CSMD2: variants seen among roughly 807,000 people sequenced by gnomAD.
The protein encoded by CSMD2 is CUB and Sushi multiple domains 2.
In CSMD2, 130 loss-of-function variants were observed where a neutral mutation model predicts 398.5. The observed-to-expected ratio is 0.33, with a 90% CI of 0.28 to 0.38. The LOEUF (loss-of-function observed/expected upper bound fraction) is 0.38, where lower values mean the gene tolerates loss of function less well. CSMD2 is among the 10% of genes least tolerant of loss of function. The pLI, the probability that CSMD2 is intolerant of heterozygous loss-of-function variation, is 1.00. For missense variants in CSMD2, 3,829 were observed against 4,764.9 expected (o/e 0.80, Z 5.78); for synonymous variants, 1,828 against 1,908.5 (o/e 0.96, Z 1.10).
At chr1:33,632,715 T>A (rs1488400582) in intron 32 of CSMD2, among the ~76,000 whole-genome samples, 1 of 152,194 alleles carries the variant, frequency 6.6e-6, no homozygotes, top group Non-Finnish European at 1.5e-5. Context: ...AGATCTCACA[T>A]ATCCTTTAAC....
chr1:34,042,568 C>T (rs1309179940), intron 2 of CSMD2, among the ~76,000 whole-genome samples: 2 of 152,128 alleles, frequency 1.3e-5, no homozygotes, highest in African/African-American at 2.4e-5. Flanking sequence ...GAGGCAGAGC[C>T]CTGAGTCGTC....
upstream of CSMD2, chr1:34,165,733 G>T (rs1300796654): frequency 1.2e-6 from 2 of 1,613,482 alleles, no homozygotes; most frequent in Non-Finnish European, 8.5e-7. Flanking sequence ...CGTTCCCCAA[G>T]TCTTGGCTCT....
chr1:33,709,149 T>C lies in CSMD2; in HGVS notation c.3516A>G (p.Pro1172=). 3 of 1,614,156 alleles carry C rather than the reference T, an allele frequency of 1.9e-6. No homozygotes were observed. Among genetic ancestry groups the C allele is most frequent in the Non-Finnish European group, 1.7e-6 (2 of 1,179,990 alleles). Residue 1172 remains proline, a synonymous_variant, in exon 22 of 71, where the codon CCA becomes CCG. Coordinates refer to ENST00000373381, the MANE Select transcript of CSMD2 (RefSeq NM_001281956.2). ...TGGCTTTCAGCTGAATTCCCTTCCCTGGCTGGGTCTGGATGGAGTAGATGC... is the reference window on the plus strand; with the variant it reads ...TGGCTTTCAGCTGAATTCCCTTCCCCGGCTGGGTCTGGATGGAGTAGATGC... ...HECIYSIQTQ[P]GKGIQLKARA...
chr1:33,557,617 G>GAC (rs10579079), intron 55 of CSMD2, 117 bp downstream of exon 55: 19,270 of 657,828 alleles, frequency 0.029, 97 homozygotes, highest in East Asian at 0.055. Context: ...TACATGTGCA[G>GAC]ACACACACAC....
At chr1:34,101,398 A>T (rs1282857268) in intron 1 of CSMD2, among the ~76,000 whole-genome samples, 2 of 152,254 alleles carry the variant, frequency 1.3e-5, no homozygotes, top group Non-Finnish European at 2.9e-5. Context: ...ACTTCCAAAT[A>T]GCAGATGACT....
chr1:33,711,758 AT>A (rs1358799505), intron 21 of CSMD2, among the ~76,000 whole-genome samples: 1 of 152,124 alleles, frequency 6.6e-6, no homozygotes, highest in African/African-American at 2.4e-5. Flanking sequence ...TGCTTCCTGC[AT>A]AAGAGCTATG....
chr1:33,592,478 C>A, intron 44 of CSMD2: 1 of 717,070 alleles, frequency 1.4e-6, no homozygotes. Flanking sequence ...GTACAAACAG[C>A]TGCCAAGTGC....
chr1:34,002,375 G>A (rs1646930232), intron 3 of CSMD2, among the ~76,000 whole-genome samples: 1 of 152,214 alleles, frequency 6.6e-6, no homozygotes, highest in East Asian at 1.9e-4. Context: ...AGGAGGCCTT[G>A]TCTTGTGACA....
chr1:33,604,525 G>C (rs1321141897), intron 42 of CSMD2, among the ~76,000 whole-genome samples: 1 of 152,164 alleles, frequency 6.6e-6, no homozygotes, highest in African/African-American at 2.4e-5. Context: ...AAAGGGGTTT[G>C]AGTTGGAGCC....
chr1:33,577,025 C>T (rs1047270050), intron 49 of CSMD2, among the ~76,000 whole-genome samples: 1 of 152,162 alleles, frequency 6.6e-6, no homozygotes, highest in Non-Finnish European at 1.5e-5. Flanking sequence ...GATCCTTTCT[C>T]ACCTCTGGGC....
At chr1:33,667,119 T>A (rs1314505001) in intron 25 of CSMD2, among the ~76,000 whole-genome samples, 1 of 152,142 alleles carries the variant, frequency 6.6e-6, no homozygotes, top group Non-Finnish European at 1.5e-5. Context: ...GTCTCAAAAT[T>A]AGCTATGGGA....
intron 2 of CSMD2, among the ~76,000 whole-genome samples, chr1:34,082,344 CTCCGCCCAGCAGCCGCCCCGT>C (rs1222607128): frequency 7.9e-5 from 12 of 152,158 alleles, no homozygotes; most frequent in African/African-American, 2.4e-4. Flanking sequence ...TGAGGAGCCC[CTCCGCCCAGCAGCCGCCCCGT>C]CTGGGAGGTG....
At chr1:33,936,416 C>T (rs1416491584) in intron 3 of CSMD2, among the ~76,000 whole-genome samples, 1 of 152,208 alleles carries the variant, frequency 6.6e-6, no homozygotes, top group Admixed American at 6.5e-5. Flanking sequence ...ATGTGTGATC[C>T]ACCCTGGCAG....
At chr1:33,796,497 A>C (rs924823457) in intron 10 of CSMD2, among the ~76,000 whole-genome samples, 6 of 152,354 alleles carry the variant, frequency 3.9e-5, no homozygotes, top group African/African-American at 1.4e-4. Flanking sequence ...ATCAGTTCCC[A>C]AAATTAATAC....
chr1:34,131,393 T>C (rs912145126), intron 1 of CSMD2, among the ~76,000 whole-genome samples: 11 of 152,244 alleles, frequency 7.2e-5, no homozygotes, highest in African/African-American at 2.2e-4. Flanking sequence ...CAGGGAAATA[T>C]ATCTTGCAAG....
At chr1:33,767,194 G>C (rs1334388793) in intron 13 of CSMD2, among the ~76,000 whole-genome samples, 1 of 152,048 alleles carries the variant, frequency 6.6e-6, no homozygotes, top group Non-Finnish European at 1.5e-5. Context: ...GCAGAATATG[G>C]GCTTTAAAAC....
At chr1:33,668,604 C>T (rs1400978681) in intron 25 of CSMD2, among the ~76,000 whole-genome samples, 10 of 152,174 alleles carry the variant, frequency 6.6e-5, no homozygotes, top group Non-Finnish European at 1.3e-4. Context: ...GTGAGCAGCT[C>T]CCCTGTAGGT....
At chr1:34,024,807 T>A (rs1306984837) in intron 3 of CSMD2, among the ~76,000 whole-genome samples, 1 of 152,264 alleles carries the variant, frequency 6.6e-6, no homozygotes, top group Non-Finnish European at 1.5e-5. Flanking sequence ...TCTATCTATA[T>A]ATATGTGATC....
At chr1:33,638,875 A>T (rs1642953228) in intron 29 of CSMD2, among the ~76,000 whole-genome samples, 1 of 151,582 alleles carries the variant, frequency 6.6e-6, no homozygotes, top group Admixed American at 6.6e-5. Flanking sequence ...ATACTCTCTC[A>T]TCGACTCTAT....
Sources: gnomAD v4.1 joint callset for allele counts (sites outside exome capture counted in the v4.1 genomes callset) on GRCh38, gnomAD v4.1.1 for gene constraint, MANE v1.5 for transcripts, NCBI Gene and HGNC (gene_info 2026-07-23, HGNC 2026-07-21) for gene names.